Variants in PDE7B observed in about 807,000 individuals in gnomAD.
PDE7B encodes phosphodiesterase 7B.
In PDE7B, 29 loss-of-function variants were observed where a neutral mutation model predicts 56.2. That is an observed-to-expected ratio of 0.52 (90% CI 0.38 to 0.70). The LOEUF (loss-of-function observed/expected upper bound fraction) is 0.70, where lower values mean the gene tolerates loss of function less well. Among genes scored for constraint, PDE7B ranks in the 30% least tolerant of loss-of-function variants. PDE7B has a pLI of 0.00. For synonymous variants in PDE7B, 197 were observed against 196.9 expected (o/e 1.00, Z 0.00); for missense variants, 490 against 565.0 (o/e 0.87, Z 1.35).
chr6:135,960,897 A>T (rs1382682934), intron 2 of PDE7B, among the ~76,000 whole-genome samples: 1 of 152,178 alleles, frequency 6.6e-6, no homozygotes, highest in African/African-American at 2.4e-5. Context: ...TGTTGCATAT[A>T]GATGTAGTTC....
At chr6:135,937,669 T>A (rs944503316) in intron 1 of PDE7B, among the ~76,000 whole-genome samples, 1 of 152,144 alleles carries the variant, frequency 6.6e-6, no homozygotes, top group African/African-American at 2.4e-5. Context: ...GACCCCTTTT[T>A]CCCAAATCTA....
Position 135,851,947 on chromosome 6 carries a change from C to G in PDE7B, c.-52C>G. The G allele has an allele frequency of 1.1e-5, 16 of 1,449,174 alleles. No homozygotes were observed. In the South Asian group the frequency reaches 1.8e-4, roughly 17 times the overall value. The allele number at this position is 1,449,174 out of a possible 1,614,324, so 89.8% of individuals were successfully genotyped here. A position where few individuals can be genotyped will look rare whatever the true frequency, so the allele number is the denominator to read the frequency against. The stretch of plus-strand genomic sequence containing the variant: ...ACAAGTCTTCATGAACAAGCAGCAC[C>G]GCTCAGAGATTTCACGGCATTCAAA... On this transcript the variant is annotated 5_prime_UTR_variant, in exon 1 of 13. Coordinates refer to ENST00000308191, the MANE Select transcript of PDE7B (RefSeq NM_018945.4).
At chr6:135,952,937 A>T (rs1397606825) in intron 2 of PDE7B, among the ~76,000 whole-genome samples, 1 of 152,126 alleles carries the variant, frequency 6.6e-6, no homozygotes, top group East Asian at 1.9e-4. Context: ...AATACTCTAT[A>T]AGCTCCTAGG....
chr6:135,890,654 T>C (rs577588486), intron 1 of PDE7B, among the ~76,000 whole-genome samples: 2 of 152,288 alleles, frequency 1.3e-5, no homozygotes, highest in African/African-American at 2.4e-5. Context: ...AGGAGAAGAA[T>C]GTGGCAAGAG....
chr6:136,079,177 T>A (rs1777168291), intron 2 of PDE7B, among the ~76,000 whole-genome samples: 1 of 152,146 alleles, frequency 6.6e-6, no homozygotes, highest in African/African-American at 2.4e-5. Flanking sequence ...CACATCATCA[T>A]AAAGTCAAAA....
chr6:135,985,493 T>C (rs1444536701), intron 2 of PDE7B, among the ~76,000 whole-genome samples: 2 of 152,132 alleles, frequency 1.3e-5, no homozygotes, highest in Non-Finnish European at 2.9e-5. Flanking sequence ...AAAAGATAAG[T>C]CCAAGCATTA....
intron 2 of PDE7B, among the ~76,000 whole-genome samples, chr6:136,086,804 C>G (rs543915751): frequency 7.9e-5 from 12 of 152,300 alleles, no homozygotes; most frequent in African/African-American, 2.9e-4. Context: ...TCAGCAACAG[C>G]TTGAGAATGT....
At chr6:136,178,960 T>TTG in intron 9 of PDE7B, 37 bp from the exon 10 acceptor site, 4 of 1,611,222 alleles carry the variant, frequency 2.5e-6, no homozygotes, top group Non-Finnish European at 3.4e-6. Context: ...GGGATTTGCT[T>TTG]TGTGTGTGTT....
intron 3 of PDE7B, among the ~76,000 whole-genome samples, chr6:136,120,432 T>C (rs1359155296): frequency 2.0e-5 from 3 of 151,980 alleles, no homozygotes; most frequent in South Asian, 2.1e-4. Flanking sequence ...AAGGATCTAG[T>C]TGAGAAAGAA....
Position 136,124,657 on chromosome 6 carries a change from A to G in PDE7B, c.166+15843A>G, listed in dbSNP as rs117647674. ...ATAAAATATAAGTTCCACAAGGAAAAGGACTTTATTTTGTTCATTGCTATA... is the reference window on the plus strand; with the variant it reads ...ATAAAATATAAGTTCCACAAGGAAAGGGACTTTATTTTGTTCATTGCTATA... On this transcript the variant is annotated intron_variant, in intron 3 of 12. Transcript: ENST00000308191. Among the ~76,000 whole-genome samples, 48 of 152,346 alleles carry G rather than the reference A, an allele frequency of 3.2e-4. No homozygotes were observed. In the East Asian group the frequency reaches 5.6e-3, roughly 18 times the overall value.
chr6:135,952,501 G>A (rs888282497), intron 2 of PDE7B, among the ~76,000 whole-genome samples: 1 of 152,104 alleles, frequency 6.6e-6, no homozygotes, highest in South Asian at 2.1e-4. Context: ...TGCCCTTAGA[G>A]GGTTTATTGT....
chr6:135,893,858 A>G (rs1583746350), intron 1 of PDE7B, among the ~76,000 whole-genome samples: 1 of 152,304 alleles, frequency 6.6e-6, no homozygotes, highest in East Asian at 1.9e-4. Flanking sequence ...TTGAAGTGAA[A>G]AGAGAACATT....
intron 2 of PDE7B, among the ~76,000 whole-genome samples, chr6:136,065,105 T>C (rs982647031): frequency 4.6e-5 from 7 of 152,188 alleles, no homozygotes; most frequent in African/African-American, 1.7e-4. Flanking sequence ...CTTGAACCTC[T>C]CTGGGACTAG....
chr6:136,143,122 A>G (rs974862118), intron 3 of PDE7B, among the ~76,000 whole-genome samples: 6 of 152,090 alleles, frequency 3.9e-5, no homozygotes, highest in Admixed American at 3.9e-4. Context: ...TGCTTCCTTC[A>G]GGAGCTCTTT....
chr6:136,086,264 A>C (rs1777290242), intron 2 of PDE7B, among the ~76,000 whole-genome samples: 1 of 152,130 alleles, frequency 6.6e-6, no homozygotes, highest in Non-Finnish European at 1.5e-5. Context: ...TTTCTTTTGC[A>C]TCTACTCTTA....
intron 2 of PDE7B, among the ~76,000 whole-genome samples, chr6:135,962,634 T>C (rs906178440): frequency 1.3e-5 from 2 of 152,138 alleles, no homozygotes; most frequent in Non-Finnish European, 2.9e-5. Flanking sequence ...AAAACCTACA[T>C]CTCCCAAGTA....
intron 2 of PDE7B, among the ~76,000 whole-genome samples, chr6:135,948,445 A>G (rs560681091): frequency 3.9e-5 from 6 of 152,156 alleles, no homozygotes; most frequent in African/African-American, 1.4e-4. Context: ...CACTTCATAT[A>G]TTGACAGTCT....
rs934446083 is a variant in PDE7B, at chr6:136,055,721, G to A, written c.83-53010G>A. ...GTACAAAAGTGAGGAGCAGCTGGGT[G>A]CTAAGTGTACCTAGATCTGCAGTCC... On this transcript the variant is annotated intron_variant, in intron 2 of 12. Transcript: ENST00000308191. Among the ~76,000 whole-genome samples, 11 of 152,282 alleles carry A rather than the reference G, an allele frequency of 7.2e-5. No homozygotes were observed. In the East Asian group the frequency reaches 9.7e-4, roughly 13 times the overall value.
At chr6:136,038,214 A>G (rs575733185) in intron 2 of PDE7B, 1 of 1,299,238 alleles carries the variant, frequency 7.7e-7, no homozygotes, top group Non-Finnish European at 1.0e-6. Context: ...AGAAGCAGAA[A>G]CAGCAGCAGC....
Sources: allele counts gnomAD v4.1 joint callset (sites outside exome capture counted in the v4.1 genomes callset), GRCh38; gene constraint gnomAD v4.1.1; transcripts MANE v1.5; gene names NCBI Gene and HGNC (gene_info 2026-07-23, HGNC 2026-07-21).